GSG1L2: variants seen among roughly 807,000 people sequenced by gnomAD.
GSG1L2 encodes germ cell-specific gene 1-like protein 2.
GSG1L2 carries 15 observed loss-of-function variants against 9.0 expected under a neutral mutation model. That is an observed-to-expected ratio of 1.67 (90% confidence interval 1.12 to 2.57). The LOEUF is 2.57. Among genes scored for constraint, GSG1L2 ranks in the 30% most tolerant of loss-of-function variants. GSG1L2 has a pLI of 0.00. For missense variants in GSG1L2, 286 were observed against 150.3 expected (o/e 1.90, Z -4.72); for synonymous variants, 127 against 57.9 (o/e 2.19, Z -5.41).
chr17:9,809,846 T>C (rs1360210405), intron 2 of GSG1L2: 1 of 152,240 alleles, frequency 6.6e-6, no homozygotes, highest in Non-Finnish European at 1.5e-5. Context: ...GATATCATCT[T>C]TGCCTTTTGC....
At chr17:9,816,407 TGTGTGTGTCTGTGTGTGTGC>T in intron 1 of GSG1L2, among the ~76,000 whole-genome samples, 1 of 148,612 alleles carries the variant, frequency 6.7e-6, no homozygotes, top group South Asian at 2.2e-4. Flanking sequence ...TGTGTGTGTG[TGTGTGTGTCTGTGTGTGTGC>T]GTGTGTCTCT....
intron 1 of GSG1L2, among the ~76,000 whole-genome samples, chr17:9,816,781 C>CTG (rs1286977419): frequency 0.022 from 813 of 37,022 alleles, 9 homozygotes; most frequent in African/African-American, 0.075. Context: ...GCGTGTGTGT[C>CTG]TGTGTGTGCG....
intron 1 of GSG1L2, chr17:9,810,877 T>A (rs1251829187): frequency 2.0e-6 from 1 of 512,272 alleles, no homozygotes; most frequent in Admixed American, 3.6e-5. Context: ...AGAGCCAGTG[T>A]CTTTTCCCTT....
At chr17:9,812,835 T>C (rs1022060877) in intron 1 of GSG1L2, among the ~76,000 whole-genome samples, 1 of 152,118 alleles carries the variant, frequency 6.6e-6, no homozygotes, top group Non-Finnish European at 1.5e-5. Flanking sequence ...ACTCCTGGGC[T>C]CAAGCAATCT....
At chr17:9,818,696 G>T (rs975023441) in intron 1 of GSG1L2, among the ~76,000 whole-genome samples, 1 of 151,830 alleles carries the variant, frequency 6.6e-6, no homozygotes, top group Non-Finnish European at 1.5e-5. Flanking sequence ...CTATTGCAAG[G>T]ACAGCACCAA....
chr17:9,810,863 T>C, intron 1 of GSG1L2: 1 of 538,366 alleles, frequency 1.9e-6, no homozygotes, highest in Non-Finnish European at 3.3e-6. Flanking sequence ...TCTGAGCAGC[T>C]TTAAGAGCCA....
chr17:9,806,718 T>C (rs971387226), intron 4 of GSG1L2, among the ~76,000 whole-genome samples: 9 of 152,102 alleles, frequency 5.9e-5, no homozygotes, highest in Non-Finnish European at 8.8e-5. Flanking sequence ...TCAGAACCAA[T>C]AGCACTAATT....
At chr17:9,818,359 G>GT (rs2066575660) in intron 1 of GSG1L2, among the ~76,000 whole-genome samples, 1 of 151,994 alleles carries the variant, frequency 6.6e-6, no homozygotes, top group South Asian at 2.1e-4. Context: ...TTGAGATGGA[G>GT]TTTCGCTCTT....
At chr17:9,816,709 CTG>C (rs1331792600) in intron 1 of GSG1L2, among the ~76,000 whole-genome samples, 16 of 135,810 alleles carry the variant, frequency 1.2e-4, no homozygotes, top group Non-Finnish European at 1.3e-4. Flanking sequence ...GCATGCGTGT[CTG>C]TGTGTATCTG....
intron 1 of GSG1L2, among the ~76,000 whole-genome samples, chr17:9,812,470 G>T (rs1202615700): frequency 1.3e-5 from 2 of 152,010 alleles, no homozygotes; most frequent in Non-Finnish European, 2.9e-5. Context: ...CACCTCCCCA[G>T]GGTCCCATAC....
In GSG1L2 at chr17:9,816,517, C is replaced by T. The variant is rs112673562; in HGVS notation, c.310+5245G>A. 7.5e-4 allele frequency among the ~76,000 whole-genome samples: 31 copies of T among 41,098 alleles called. No individual in the cohort carries two copies. In the East Asian group the frequency reaches 0.026, roughly 34 times the overall value. 27.0% of individuals were successfully genotyped at this position (41,098 alleles called of 152,430 possible). ...GTCTGTGTGTGCCTGTCTGTGTGTG[C>T]GTGTCTGTGTCTCTGTGTGCACGTG... On this transcript the variant is annotated intron_variant, in intron 1 of 4. Transcript: ENST00000399363.
chr17:9,808,297 T>C (rs1390898547), intron 3 of GSG1L2, among the ~76,000 whole-genome samples: 1 of 152,062 alleles, frequency 6.6e-6, no homozygotes, highest in East Asian at 1.9e-4. Context: ...CAGAAGTAGA[T>C]CTAAAAAAAA....
At chr17:9,805,582 T>G (rs1166951656) in intron 4 of GSG1L2, 3 of 152,210 alleles carry the variant, frequency 2.0e-5, no homozygotes, top group African/African-American at 7.2e-5. Context: ...TTATCTCTCA[T>G]TGGATCCTTT....
At position 9,821,808 on chromosome 17, in the gene GSG1L2, G is replaced by A; in HGVS notation, c.264C>T (p.Phe88=). Residue 88 remains phenylalanine (F), a synonymous_variant, in exon 1 of 5, where the codon TTC becomes TTT. Coordinates refer to ENST00000399363, the MANE Select transcript of GSG1L2 (RefSeq NM_001310219.2). The stretch of plus-strand genomic sequence containing the variant: ...CGCAGGACTGCCAGAGCCCCACATG[G>A]AACCCCCGCTGAATGAACTTGTCAT... ...LGDDKFIQRG[F]HVGLWQSCEE... 2 of 703,520 alleles carry A rather than the reference G, an allele frequency of 2.8e-6. No individual in the cohort carries two copies. Among genetic ancestry groups the A allele is most frequent in the Non-Finnish European group, 2.6e-6 (1 of 385,104 alleles). 43.6% of individuals were successfully genotyped at this position (703,520 alleles called of 1,614,324 possible).
At chr17:9,816,606 GTGTGTC>G (rs2066563983) in intron 1 of GSG1L2, among the ~76,000 whole-genome samples, 1 of 36,966 alleles carries the variant, frequency 2.7e-5, no homozygotes, top group African/African-American at 1.1e-4. Flanking sequence ...GTGTGTCTGT[GTGTGTC>G]TGTGTGTCTG....
intron 1 of GSG1L2, among the ~76,000 whole-genome samples, chr17:9,821,477 G>A (rs1224516514): frequency 6.6e-6 from 1 of 152,156 alleles, no homozygotes. Context: ...ATGTGAATCT[G>A]GTCATTTCAT....
In GSG1L2 at chr17:9,800,769, A is replaced by G. The variant is rs182917956; in HGVS notation, c.*1617T>C. The stretch of plus-strand genomic sequence containing the variant: ...TGACAGTCACACAGGACCTGCCTAC[A>G]TGAATACATAGGGATGAAAAACCAT... On this transcript the variant is annotated 3_prime_UTR_variant, in exon 5 of 5. Transcript: ENST00000399363. Among the ~76,000 whole-genome samples the G allele has an allele frequency of 3.4e-4, 52 of 152,316 alleles. No individual in the cohort carries two copies. Among genetic ancestry groups the G allele is most frequent in the Non-Finnish European group, 6.2e-4 (42 of 68,024 alleles).
At chr17:9,819,400 A>G (rs2066580193) in intron 1 of GSG1L2, among the ~76,000 whole-genome samples, 1 of 152,234 alleles carries the variant, frequency 6.6e-6, no homozygotes. Flanking sequence ...TTATTATAAC[A>G]GGAAGTTAAT....
intron 1 of GSG1L2, among the ~76,000 whole-genome samples, chr17:9,818,501 ATTTTT>A (rs377057350): frequency 0.13 from 10,768 of 82,354 alleles, 355 homozygotes; most frequent in South Asian, 0.26. Context: ...ACACAGCTAA[ATTTTT>A]TTTTTTTTTT....
Sources: allele counts gnomAD v4.1 joint callset (sites outside exome capture counted in the v4.1 genomes callset), GRCh38; gene constraint gnomAD v4.1.1; transcripts MANE v1.5; gene names NCBI Gene and HGNC (gene_info 2026-07-23, HGNC 2026-07-21).